The following TMEM65 variants were observed in gnomAD, a reference collection of about 807,000 sequenced individuals.
TMEM65 encodes the protein transmembrane protein 65.
A neutral mutation model predicts 25.4 loss-of-function variants in TMEM65; 22 were observed. That is an observed-to-expected ratio of 0.86 (90% CI 0.62 to 1.23). TMEM65 has a LOEUF of 1.23. Among genes scored for constraint, TMEM65 ranks in the 50% most tolerant of loss-of-function variants. The pLI, the probability that TMEM65 is intolerant of heterozygous loss-of-function variation, is 0.00. For synonymous variants in TMEM65, 132 were observed against 126.2 expected (o/e 1.05, Z -0.31); for missense variants, 262 against 308.2 (o/e 0.85, Z 1.12).
At chr8:124,339,681 T>G (rs1205748875) in intron 1 of TMEM65, among the ~76,000 whole-genome samples, 1 of 152,112 alleles carries the variant, frequency 6.6e-6, no homozygotes, top group Non-Finnish European at 1.5e-5. Context: ...TGACTTTATT[T>G]GAGCATTTTT....
At chr8:124,323,234 C>G in intron 4 of TMEM65, 87 bp downstream of exon 4, 1 of 723,736 alleles carries the variant, frequency 1.4e-6, no homozygotes, top group Non-Finnish European at 2.3e-6. Flanking sequence ...TAAACTCATT[C>G]AAATAAATTA....
chr8:124,316,620 ATAGTAATACTAGTT>A (rs1314324229), intron 6 of TMEM65, among the ~76,000 whole-genome samples: 1 of 152,128 alleles, frequency 6.6e-6, no homozygotes, highest in East Asian at 1.9e-4. Flanking sequence ...CACACTCAAT[ATAGTAATACTAGTT>A]TAGTAATCTG....
chr8:124,353,596 G>GA (rs911379339), intron 1 of TMEM65, among the ~76,000 whole-genome samples: 160 of 150,776 alleles, frequency 1.1e-3, no homozygotes, highest in African/African-American at 3.7e-3. Flanking sequence ...TCTACACTGA[G>GA]AAAAAAAAAG....
chr8:124,314,077 A>C lies in TMEM65; in HGVS notation c.622-16T>G, dbSNP rs1342114234. On this transcript the variant is annotated splice_polypyrimidine_tract_variant and intron_variant, in intron 6 of 6. Coordinates refer to ENST00000297632, the MANE Select transcript of TMEM65 (RefSeq NM_194291.3). ...CAGCTTTGCCCTAAGGAAACAAAAG[A>C]GAACATTTTTAAAGTTACTTTATCT... 2 of 1,600,514 alleles carry C rather than the reference A, an allele frequency of 1.2e-6. No individual in the cohort carries two copies. Among genetic ancestry groups the C allele is most frequent in the South Asian group, 1.1e-5 (1 of 90,122 alleles).
intron 1 of TMEM65, among the ~76,000 whole-genome samples, chr8:124,356,125 A>C (rs565920670): frequency 6.6e-6 from 1 of 152,288 alleles, no homozygotes; most frequent in African/African-American, 2.4e-5. Context: ...GCGGTGAACC[A>C]ATTAAACCTT....
At chr8:124,330,034 G>A (rs747302471) in intron 2 of TMEM65, among the ~76,000 whole-genome samples, 45 of 151,830 alleles carry the variant, frequency 3.0e-4, no homozygotes, top group Non-Finnish European at 7.4e-5. Flanking sequence ...TTGCTCTCTA[G>A]TATATAATGA....
chr8:124,326,320 T>C (rs889152678), intron 3 of TMEM65, among the ~76,000 whole-genome samples: 2 of 152,050 alleles, frequency 1.3e-5, no homozygotes, highest in Non-Finnish European at 2.9e-5. Context: ...TAAGGTATTC[T>C]AAAAATATGT....
intron 6 of TMEM65, among the ~76,000 whole-genome samples, chr8:124,316,142 T>C (rs929159274): frequency 8.5e-5 from 13 of 152,164 alleles, no homozygotes; most frequent in South Asian, 6.2e-4. Flanking sequence ...AAAAAAGTGA[T>C]ATACTTTTCT....
chr8:124,370,462 G>A (rs1814997053), intron 1 of TMEM65, among the ~76,000 whole-genome samples: 1 of 152,174 alleles, frequency 6.6e-6, no homozygotes, highest in Non-Finnish European at 1.5e-5. Flanking sequence ...CATACTGAGT[G>A]CACACATAGA....
At chr8:124,367,075 T>C (rs1341744368) in intron 1 of TMEM65, among the ~76,000 whole-genome samples, 1 of 152,252 alleles carries the variant, frequency 6.6e-6, no homozygotes, top group Non-Finnish European at 1.5e-5. Context: ...GAAATATCTT[T>C]ATTCACGTAT....
intron 1 of TMEM65, 74 bp downstream of exon 1, chr8:124,371,780 C>A (rs2131236833): frequency 1.4e-6 from 2 of 1,405,748 alleles, no homozygotes; most frequent in Non-Finnish European, 1.9e-6. Context: ...AGGGCCGCAG[C>A]GGGCTCCCGG....
At chr8:124,347,004 A>G (rs1198971412) in intron 1 of TMEM65, among the ~76,000 whole-genome samples, 1 of 152,236 alleles carries the variant, frequency 6.6e-6, no homozygotes, top group East Asian at 1.9e-4. Context: ...AAATAATTTA[A>G]GCAAATCAAA....
chr8:124,312,881 T>C lies in TMEM65; in HGVS notation c.*1079A>G, dbSNP rs1814181203. ...CACTTCAACAGAAATTATTCATAAA[T>C]AAAATTCACTAAATAAGATATAATG... On this transcript the variant is annotated 3_prime_UTR_variant, in exon 7 of 7. Coordinates refer to ENST00000297632, the MANE Select transcript of TMEM65 (RefSeq NM_194291.3). 2 of 151,440 alleles carry C rather than the reference T, an allele frequency of 1.3e-5. No homozygotes were observed. The highest frequency in any genetic ancestry group is 4.8e-5 in the African/African-American group (2 of 41,258). The allele number at this position is 151,440 out of a possible 1,614,324, so 9.4% of individuals were successfully genotyped here.
intron 3 of TMEM65, among the ~76,000 whole-genome samples, chr8:124,324,249 T>C (rs921507166): frequency 6.6e-6 from 1 of 152,034 alleles, no homozygotes; most frequent in Non-Finnish European, 1.5e-5. Context: ...CGCCCTGTAT[T>C]TTACGTAGAA....
At position 124,320,176 on chromosome 8, in the gene TMEM65, A is replaced by G. The variant is rs1814287164; in HGVS notation, c.531T>C (p.Val177=). The G allele has an allele frequency of 1.9e-6, 3 of 1,612,842 alleles. No homozygotes were observed. Among genetic ancestry groups the G allele is most frequent in the South Asian group, 2.2e-5 (2 of 90,990 alleles). Residue 177 remains valine (V), a synonymous_variant, in exon 6 of 7, where the codon GTT becomes GTC. Coordinates refer to ENST00000297632, the MANE Select transcript of TMEM65 (RefSeq NM_194291.3). The part of the protein sequence containing the change: ...DLAGLGLAGY[V]EALASRLGLS... The stretch of plus-strand genomic sequence containing the variant: ...GGCCTAACCTGGAAGCCAATGCTTC[A>G]ACGTAGCCTGCAAGTCTTTGAAGAA...
At chr8:124,318,217 T>A (rs372678476) in intron 6 of TMEM65, among the ~76,000 whole-genome samples, 1 of 152,022 alleles carries the variant, frequency 6.6e-6, no homozygotes, top group Non-Finnish European at 1.5e-5. Flanking sequence ...AGTGGATTCA[T>A]CACCAATTGA....
intron 5 of TMEM65, among the ~76,000 whole-genome samples, chr8:124,321,733 C>A (rs1814306037): frequency 6.6e-6 from 1 of 152,026 alleles, no homozygotes; most frequent in South Asian, 2.1e-4. Context: ...TCCTGTCTTA[C>A]CCTTGGAGAT....
In TMEM65 at chr8:124,310,857, A is replaced by G. The variant is rs1814149238; in HGVS notation, c.*3103T>C. Reference sequence around the variant, plus strand: ...GATCAGAAAAAAAAATGAAAACTATAAAAACTAGATTCTCAAGGTACTGCA... The same window carrying G: ...GATCAGAAAAAAAAATGAAAACTATGAAAACTAGATTCTCAAGGTACTGCA... On this transcript the variant is annotated 3_prime_UTR_variant, in exon 7 of 7. Transcript: ENST00000297632. 6.6e-6 allele frequency: 1 copy of G among 152,124 alleles called. No individual in the cohort carries two copies. The highest frequency in any genetic ancestry group is 1.5e-5 in the Non-Finnish European group (1 of 68,022). 9.4% of individuals were successfully genotyped at this position (152,124 alleles called of 1,614,324 possible).
At chr8:124,333,397 T>C (rs1814459882) in intron 1 of TMEM65, among the ~76,000 whole-genome samples, 1 of 152,168 alleles carries the variant, frequency 6.6e-6, no homozygotes, top group East Asian at 1.9e-4. Flanking sequence ...ACATTGGAAA[T>C]GTGTTCTGCT....
Sources: allele counts gnomAD v4.1 joint callset (sites outside exome capture counted in the v4.1 genomes callset), GRCh38; gene constraint gnomAD v4.1.1; transcripts MANE v1.5; gene names NCBI Gene and HGNC (gene_info 2026-07-23, HGNC 2026-07-21).